DCDC1: variants seen among roughly 807,000 people sequenced by gnomAD.
DCDC1 encodes doublecortin domain-containing protein 1.
Under a neutral mutation model 178.3 loss-of-function variants are expected in DCDC1, and 200 were observed. The observed-to-expected ratio is 1.12, with a 90% CI of 1.00 to 1.26. DCDC1 has a LOEUF of 1.26. Among genes scored for constraint, DCDC1 ranks in the 50% most tolerant of loss-of-function variants. The pLI is 0.00. For synonymous variants in DCDC1, 690 were observed against 604.8 expected (o/e 1.14, Z -2.07); for missense variants, 1,983 against 1,749.2 (o/e 1.13, Z -2.38).
intron 9 of DCDC1, among the ~76,000 whole-genome samples, chr11:31,192,781 C>G (rs1427005589): frequency 6.6e-6 from 1 of 152,044 alleles, no homozygotes. Context: ...GATGCCCAGA[C>G]AGCTGGTAAA....
Position 31,328,221 on chromosome 11 carries a change from G to C in DCDC1, c.60C>G (p.Leu20=). The stretch of plus-strand genomic sequence containing the variant: ...GTAATACTTCCATTGCTTCAGTCAA[G>C]AGGGATAAGGAAGACTGAGATAGTG... ...REALSQSSLS[L]LTEAMEVLQQ... The change falls in exon 3 of 39, where the codon CTC becomes CTG. Residue 20 remains leucine, a synonymous_variant. Coordinates refer to ENST00000684477, the MANE Select transcript of DCDC1 (RefSeq NM_001387274.1). The C allele has an allele frequency of 1.9e-6, 3 of 1,609,192 alleles. No individual in the cohort carries two copies. The highest frequency in any genetic ancestry group is 2.5e-6 in the Non-Finnish European group (3 of 1,176,722).
intron 15 of DCDC1, among the ~76,000 whole-genome samples, chr11:31,098,042 C>T (rs1310638567): frequency 6.6e-6 from 1 of 152,106 alleles, no homozygotes; most frequent in African/African-American, 2.4e-5. Context: ...AGAAAGTTGT[C>T]ACTAATGTCC....
chr11:31,178,249 C>T (rs1051633313), intron 9 of DCDC1, among the ~76,000 whole-genome samples: 2 of 152,162 alleles, frequency 1.3e-5, no homozygotes. Flanking sequence ...CACCCACAGT[C>T]ACGTGATTTT....
At chr11:31,019,890 T>G (rs1011429081) in intron 20 of DCDC1, among the ~76,000 whole-genome samples, 1 of 150,292 alleles carries the variant, frequency 6.7e-6, no homozygotes, top group African/African-American at 2.4e-5. Flanking sequence ...CACCCCCCAG[T>G]CTGTCTTTGT....
chr11:31,252,824 T>G (rs1229770525), intron 8 of DCDC1, among the ~76,000 whole-genome samples: 1 of 152,090 alleles, frequency 6.6e-6, no homozygotes, highest in African/African-American at 2.4e-5. Flanking sequence ...ACAGATTTTT[T>G]AGAGAAAGTA....
At chr11:31,234,059 CT>C (rs1473517722) in intron 9 of DCDC1, among the ~76,000 whole-genome samples, 1 of 152,160 alleles carries the variant, frequency 6.6e-6, no homozygotes, top group African/African-American at 2.4e-5. Flanking sequence ...TTTATTTATG[CT>C]GTAATTCTTT....
intron 20 of DCDC1, among the ~76,000 whole-genome samples, chr11:31,049,289 C>T (rs993359463): frequency 1.3e-5 from 2 of 152,118 alleles, no homozygotes; most frequent in African/African-American, 4.8e-5. Flanking sequence ...ATAAATTTGC[C>T]CAACCCAAGT....
intron 9 of DCDC1, among the ~76,000 whole-genome samples, chr11:31,153,170 C>CCTA (rs1176044502): frequency 1.3e-5 from 2 of 152,130 alleles, no homozygotes; most frequent in Non-Finnish European, 2.9e-5. Context: ...TCAGTGACTC[C>CCTA]CTACTGCCTA....
At chr11:31,343,230 A>T (rs1397994640) in intron 1 of DCDC1, among the ~76,000 whole-genome samples, 1 of 152,148 alleles carries the variant, frequency 6.6e-6, no homozygotes, top group Non-Finnish European at 1.5e-5. Context: ...AGGCGAGAGG[A>T]TCACTTGAGC....
At chr11:30,999,836 T>G (rs1478563899) in intron 20 of DCDC1, among the ~76,000 whole-genome samples, 1 of 152,144 alleles carries the variant, frequency 6.6e-6, no homozygotes, top group Non-Finnish European at 1.5e-5. Context: ...AATAAAATAT[T>G]TGTTGGCAAT....
rs1565029833 is a variant in DCDC1 at position 30,888,106 on chromosome 11, GAAAGAA to G, written c.5082+4706_5082+4711del. ...AGAGAAAGAAAGAAAGAAAAAGAAA[GAAAGAA>G]AGAAAGAAAGAAAGAAAGAAAGAAA... On this transcript the variant is annotated intron_variant, in intron 36 of 38. Transcript: ENST00000684477. 6.1e-3 allele frequency among the ~76,000 whole-genome samples: 522 copies of G among 84,894 alleles called. 5 individuals carry two copies. The highest frequency in any genetic ancestry group is 8.8e-3 in the Non-Finnish European group (369 of 41,710). 55.7% of individuals were successfully genotyped at this position (84,894 alleles called of 152,430 possible).
intron 20 of DCDC1, among the ~76,000 whole-genome samples, chr11:30,988,541 C>T (rs568572665): frequency 6.6e-6 from 1 of 152,248 alleles, no homozygotes; most frequent in Non-Finnish European, 1.5e-5. Flanking sequence ...GCTTCCCTCA[C>T]CCCACTCTTC....
At chr11:30,969,507 C>A (rs529713081) in intron 20 of DCDC1, among the ~76,000 whole-genome samples, 33 of 152,264 alleles carry the variant, frequency 2.2e-4, no homozygotes, top group African/African-American at 7.7e-4. Flanking sequence ...AAATTTCTGG[C>A]ATCTAGAATT....
chr11:30,881,157 C>A lies in DCDC1; in HGVS notation c.5233+1G>T, dbSNP rs1365520178. 6.2e-7 allele frequency: 1 copy of A among 1,612,964 alleles called. No homozygotes were observed. Among genetic ancestry groups the A allele is most frequent in the South Asian group, 1.1e-5 (1 of 90,992 alleles). On this transcript the variant is annotated splice_donor_variant, in intron 37 of 38. Coordinates refer to ENST00000684477, the MANE Select transcript of DCDC1 (RefSeq NM_001387274.1). LOFTEE classifies it high-confidence loss of function. ...GATGGAAAAGAAACTATCATGCATA[C>A]CTTTTGGGGTTTTGAAACCATGTCC... is the stretch of plus-strand genomic sequence containing the variant.
intron 9 of DCDC1, among the ~76,000 whole-genome samples, chr11:31,191,676 AG>A (rs1970148245): frequency 6.6e-6 from 1 of 152,002 alleles, no homozygotes; most frequent in South Asian, 2.1e-4. Flanking sequence ...GTCATGAGAA[AG>A]AGTGATGTCC....
chr11:31,232,050 G>T (rs990429822), intron 9 of DCDC1, among the ~76,000 whole-genome samples: 1 of 152,150 alleles, frequency 6.6e-6, no homozygotes, highest in African/African-American at 2.4e-5. Flanking sequence ...TCTGACCTTA[G>T]TCTTACATTC....
In DCDC1 at chr11:31,062,776, T is replaced by C. The variant is rs539235617; in HGVS notation, c.2591+1693A>G. On this transcript the variant is annotated intron_variant, in intron 20 of 38. Transcript: ENST00000684477. Reference sequence around the variant, plus strand: ...ATTTAGTAATATAAAATAGCTTTTTTTTCTTTTTTTTCTTTTTTAAAATTT... The same window carrying C: ...ATTTAGTAATATAAAATAGCTTTTTCTTCTTTTTTTTCTTTTTTAAAATTT... Among the ~76,000 whole-genome samples the C allele has an allele frequency of 4.8e-4, 73 of 152,032 alleles. 3 individuals carry two copies. The South Asian group carries it at 0.015, about 30-fold the overall frequency.
At chr11:31,237,562 T>A (rs1362199078) in intron 9 of DCDC1, among the ~76,000 whole-genome samples, 1 of 151,854 alleles carries the variant, frequency 6.6e-6, no homozygotes, top group South Asian at 2.1e-4. Context: ...GGCCAAAAAT[T>A]ATATAAACCT....
At position 31,157,473 on chromosome 11, in the gene DCDC1, A is replaced by ATG. The variant is rs1247150723; in HGVS notation, c.1222-19691_1222-19690dup. On this transcript the variant is annotated intron_variant, in intron 9 of 38. Coordinates refer to ENST00000684477, the MANE Select transcript of DCDC1 (RefSeq NM_001387274.1). The stretch of plus-strand genomic sequence containing the variant: ...GATAAATGAATATACATATATATAT[A>ATG]TGTGTGTGTGTGTGCAATGGAATAT... Among the ~76,000 whole-genome samples the ATG allele has an allele frequency of 1.3e-4, 15 of 115,782 alleles. 1 individual carries two copies. Among genetic ancestry groups the ATG allele is most frequent in the South Asian group, 6.2e-4 (2 of 3,204 alleles). 76.0% of individuals were successfully genotyped at this position (115,782 alleles called of 152,430 possible).
Sources: allele counts gnomAD v4.1 joint callset (sites outside exome capture counted in the v4.1 genomes callset), GRCh38; gene constraint gnomAD v4.1.1; transcripts MANE v1.5; gene names NCBI Gene and HGNC (gene_info 2026-07-23, HGNC 2026-07-21).